ASTN2: variants seen among roughly 807,000 people sequenced by gnomAD.
ASTN2 encodes the protein astrotactin-2.
Under a neutral mutation model 139.8 loss-of-function variants are expected in ASTN2, and 54 were observed. That is an observed-to-expected ratio of 0.39 (90% CI 0.31 to 0.48). The LOEUF (loss-of-function observed/expected upper bound fraction) is 0.48, where lower values mean the gene tolerates loss of function less well. ASTN2 is among the 20% of genes least tolerant of loss of function. ASTN2 has a pLI of 0.95. For missense variants in ASTN2, 1,565 were observed against 1,725.1 expected, an observed-to-expected ratio of 0.91 and a Z score of 1.64; for synonymous variants, 756 against 719.5, an observed-to-expected ratio of 1.05 and a Z score of -0.81.
intron 19 of ASTN2, among the ~76,000 whole-genome samples, chr9:116,490,271 G>GAAAAAAAAAAAAAAAAA (rs1564314339): frequency 8.6e-4 from 2 of 2,314 alleles, no homozygotes; most frequent in Non-Finnish European, 1.8e-3. Flanking sequence ...GTGATAAAAA[G>GAAAAAAAAAAAAAAAAA]TAAAAAAAAA....
intron 3 of ASTN2, among the ~76,000 whole-genome samples, chr9:117,195,190 A>G (rs1317272985): frequency 6.6e-6 from 1 of 152,266 alleles, no homozygotes; most frequent in African/African-American, 2.4e-5. Context: ...AGAGGAACTC[A>G]CATAGAGAAA....
intron 19 of ASTN2, among the ~76,000 whole-genome samples, chr9:116,591,982 A>G (rs1342870265): frequency 6.6e-6 from 1 of 152,224 alleles, no homozygotes; most frequent in African/African-American, 2.4e-5. Context: ...CTCAGTATCT[A>G]TGGGGAATTG....
chr9:116,851,006 C>G (rs1564304314), intron 11 of ASTN2, among the ~76,000 whole-genome samples: 1 of 152,170 alleles, frequency 6.6e-6, no homozygotes. Flanking sequence ...CAGTATCTTT[C>G]TAATGTTAGG....
At chr9:116,629,728 C>T (rs957911647) in intron 17 of ASTN2, among the ~76,000 whole-genome samples, 1 of 152,214 alleles carries the variant, frequency 6.6e-6, no homozygotes, top group African/African-American at 2.4e-5. Flanking sequence ...TCAAGCCATT[C>T]TCCTCTGAAT....
intron 16 of ASTN2, among the ~76,000 whole-genome samples, chr9:116,688,041 G>A (rs1027558061): frequency 3.3e-5 from 5 of 152,040 alleles, no homozygotes; most frequent in African/African-American, 9.7e-5. Flanking sequence ...GGGCAGCACA[G>A]TGCCCGATGG....
chr9:116,484,534 C>T (rs988508485), intron 20 of ASTN2, among the ~76,000 whole-genome samples: 1 of 152,132 alleles, frequency 6.6e-6, no homozygotes, highest in African/African-American at 2.4e-5. Context: ...AGAACTGACA[C>T]TGGAACTATT....
At chr9:117,230,606 A>G (rs1832861504) in intron 2 of ASTN2, among the ~76,000 whole-genome samples, 1 of 152,208 alleles carries the variant, frequency 6.6e-6, no homozygotes, top group Admixed American at 6.5e-5. Context: ...TAAACCCCGT[A>G]CACTGAGGAA....
Position 117,319,655 on chromosome 9 carries a change from C to T in ASTN2, c.443-28142G>A, listed in dbSNP as rs567509605. 2.0e-3 allele frequency among the ~76,000 whole-genome samples: 297 copies of T among 151,320 alleles called. 6 individuals carry two copies. The highest frequency in any genetic ancestry group is 3.4e-3 in the Middle Eastern group (1 of 294). ...TTCGCCATGTTGGCCAGGCTGGTCTCAAACTCCTGGCCTCAAGTGATCCAC... is the reference window on the plus strand; with the variant it reads ...TTCGCCATGTTGGCCAGGCTGGTCTTAAACTCCTGGCCTCAAGTGATCCAC... On this transcript the variant is annotated intron_variant, in intron 1 of 22. Coordinates refer to ENST00000313400, the MANE Select transcript of ASTN2 (RefSeq NM_001365068.1).
intron 3 of ASTN2, among the ~76,000 whole-genome samples, chr9:117,192,382 A>T (rs769555796): frequency 6.9e-6 from 1 of 145,320 alleles, no homozygotes; most frequent in African/African-American, 2.6e-5. Context: ...TTTGTCAATC[A>T]GTGGCAAAGA....
At chr9:116,505,458 G>C (rs1234840302) in intron 19 of ASTN2, among the ~76,000 whole-genome samples, 2 of 152,010 alleles carry the variant, frequency 1.3e-5, no homozygotes, top group Non-Finnish European at 2.9e-5. Flanking sequence ...ACCAAAACCA[G>C]AAGTCTGCCA....
intron 2 of ASTN2, among the ~76,000 whole-genome samples, chr9:117,262,823 G>A (rs566252425): frequency 2.5e-4 from 38 of 152,272 alleles, no homozygotes; most frequent in Non-Finnish European, 4.9e-4. Context: ...AAAGAGGGGC[G>A]CAGAAGAGAA....
intron 6 of ASTN2, among the ~76,000 whole-genome samples, chr9:117,025,177 G>C (rs1838025616): frequency 6.6e-6 from 1 of 152,150 alleles, no homozygotes; most frequent in Non-Finnish European, 1.5e-5. Context: ...ACAAAACAGA[G>C]TCTGGGCCTT....
chr9:117,173,979 A>C (rs1473192644), intron 3 of ASTN2, among the ~76,000 whole-genome samples: 1 of 99,532 alleles, frequency 1.0e-5, no homozygotes, highest in African/African-American at 3.4e-5. Context: ...AAAACCAAGA[A>C]CAAAAAAAAC....
chr9:117,374,360 G>C (rs1334690893), intron 1 of ASTN2, among the ~76,000 whole-genome samples: 6 of 116,370 alleles, frequency 5.2e-5, no homozygotes, highest in African/African-American at 1.4e-4. Context: ...GGCTGCATAA[G>C]GGCAGGGTTA....
chr9:116,666,927 T>G (rs1858896287), intron 16 of ASTN2, among the ~76,000 whole-genome samples: 1 of 149,888 alleles, frequency 6.7e-6, no homozygotes, highest in Non-Finnish European at 1.5e-5. Context: ...CCATATTATT[T>G]ATTTATACTT....
At chr9:116,502,742 T>G (rs199689536) in intron 19 of ASTN2, among the ~76,000 whole-genome samples, 3,180 of 33,052 alleles carry the variant, frequency 0.096, 233 homozygotes, top group African/African-American at 0.21. Context: ...AATGAATGAA[T>G]GAATGAGGGA....
At chr9:117,322,196 G>GTCCCT (rs1828348392) in intron 1 of ASTN2, among the ~76,000 whole-genome samples, 1 of 152,064 alleles carries the variant, frequency 6.6e-6, no homozygotes, top group Admixed American at 6.5e-5. Flanking sequence ...CTGTTTGACA[G>GTCCCT]CAAGTTGTAC....
chr9:117,099,956 T>C (rs1438225805), intron 4 of ASTN2, among the ~76,000 whole-genome samples: 2 of 152,228 alleles, frequency 1.3e-5, no homozygotes. Context: ...GCTTGCTTCG[T>C]ACCTAATACA....
intron 13 of ASTN2, among the ~76,000 whole-genome samples, chr9:116,759,906 G>A (rs750004292): frequency 6.6e-6 from 1 of 152,102 alleles, no homozygotes; most frequent in Non-Finnish European, 1.5e-5. Context: ...AAATGACTGA[G>A]AGGATGACTG....
Sources: allele counts gnomAD v4.1 joint callset (sites outside exome capture counted in the v4.1 genomes callset), GRCh38; gene constraint gnomAD v4.1.1; transcripts MANE v1.5; gene names NCBI Gene and HGNC (gene_info 2026-07-23, HGNC 2026-07-21).